Variants in CDH8 observed in about 807,000 individuals in gnomAD.
The protein encoded by CDH8 is cadherin 8.
In CDH8, 17 loss-of-function variants were observed where a neutral mutation model predicts 68.1. The ratio of observed to expected loss-of-function variants is 0.25; its 90% CI spans 0.17 to 0.37. The LOEUF is 0.37. Among genes scored for constraint, CDH8 ranks in the 10% least tolerant of loss-of-function variants. The pLI is 1.00. For synonymous variants in CDH8, 372 were observed against 365.1 expected (o/e 1.02, Z -0.21); for missense variants, 763 against 999.3 (o/e 0.76, Z 3.19).
chr16:61,703,637 G>C (rs566084412), intron 10 of CDH8, among the ~76,000 whole-genome samples: 2 of 152,060 alleles, frequency 1.3e-5, no homozygotes, highest in Admixed American at 1.3e-4. Flanking sequence ...TCAGGAGATC[G>C]AGACCATCCT....
intron 10 of CDH8, among the ~76,000 whole-genome samples, chr16:61,679,169 G>T (rs922177415): frequency 6.6e-5 from 10 of 151,938 alleles, no homozygotes; most frequent in African/African-American, 2.4e-4. Context: ...TTTCTTGCTA[G>T]AGTTATCCTA....
chr16:61,857,957 T>C (rs1237503708), intron 3 of CDH8, among the ~76,000 whole-genome samples: 2 of 151,970 alleles, frequency 1.3e-5, no homozygotes, highest in African/African-American at 4.8e-5. Context: ...AGCAAACCTA[T>C]ACATTTTGGA....
chr16:61,841,856 C>T (rs1285652636), intron 4 of CDH8, among the ~76,000 whole-genome samples: 2 of 151,890 alleles, frequency 1.3e-5, no homozygotes, highest in Admixed American at 6.6e-5. Context: ...AATGAAGTTT[C>T]CCCATCAAAA....
intron 3 of CDH8, among the ~76,000 whole-genome samples, chr16:61,875,226 A>G (rs548803017): frequency 6.6e-6 from 1 of 152,276 alleles, no homozygotes; most frequent in African/African-American, 2.4e-5. Context: ...TGTTCTGGTA[A>G]CACCTCAGAA....
intron 2 of CDH8, among the ~76,000 whole-genome samples, chr16:62,002,926 A>G (rs1965916044): frequency 6.6e-6 from 1 of 152,138 alleles, no homozygotes; most frequent in Non-Finnish European, 1.5e-5. Flanking sequence ...GGCGGCAGGC[A>G]CCTGTAGTCC....
chr16:61,989,827 A>G (rs1204322473), intron 2 of CDH8, among the ~76,000 whole-genome samples: 1 of 92,130 alleles, frequency 1.1e-5, no homozygotes, highest in East Asian at 4.5e-4. Flanking sequence ...TAAGGGTACA[A>G]TTTTATTGTT....
intron 2 of CDH8, among the ~76,000 whole-genome samples, chr16:61,926,742 T>C (rs1249053504): frequency 6.6e-6 from 1 of 152,210 alleles, no homozygotes; most frequent in Non-Finnish European, 1.5e-5. Context: ...ATGAGTCTCT[T>C]TAATAGTAAC....
At chr16:61,807,457 C>T (rs1443124238) in intron 7 of CDH8, among the ~76,000 whole-genome samples, 1 of 151,632 alleles carries the variant, frequency 6.6e-6, no homozygotes, top group Non-Finnish European at 1.5e-5. Flanking sequence ...GCACATGTAC[C>T]CTAAAACTTA....
intron 2 of CDH8, among the ~76,000 whole-genome samples, chr16:62,001,862 G>A (rs986666731): frequency 2.0e-5 from 3 of 152,106 alleles, no homozygotes; most frequent in African/African-American, 7.2e-5. Flanking sequence ...TCTTTTCCAG[G>A]AGTAATGTGA....
At chr16:61,772,094 T>C (rs1197005409) in intron 8 of CDH8, among the ~76,000 whole-genome samples, 1 of 151,808 alleles carries the variant, frequency 6.6e-6, no homozygotes, top group Admixed American at 6.6e-5. Context: ...AACCCAGAGG[T>C]TTCTAAATAT....
intron 10 of CDH8, among the ~76,000 whole-genome samples, chr16:61,660,746 A>T (rs771684253): frequency 2.0e-5 from 3 of 152,062 alleles, no homozygotes; most frequent in Non-Finnish European, 4.4e-5. Context: ...AATGAAGGCC[A>T]GACGGACGTG....
chr16:61,797,783 G>A (rs1961532459), intron 7 of CDH8, among the ~76,000 whole-genome samples: 1 of 152,020 alleles, frequency 6.6e-6, no homozygotes, highest in African/African-American at 2.4e-5. Flanking sequence ...CCATAATTTT[G>A]TGATATTTCT....
rs1347504690 is a variant in CDH8 at position 61,917,987 on chromosome 16, T to TA, written c.253-16515dup. Among the ~76,000 whole-genome samples, 11 of 128,786 alleles carry TA rather than the reference T, an allele frequency of 8.5e-5. No individual in the cohort carries two copies. In the Middle Eastern group the frequency reaches 0.012, roughly 142 times the overall value. The allele number at this position is 128,786 out of a possible 152,430, so 84.5% of individuals were successfully genotyped here. A position where few individuals can be genotyped will look rare whatever the true frequency, so the allele number is the denominator to read the frequency against. On this transcript the variant is annotated intron_variant, in intron 2 of 11. Coordinates refer to ENST00000577390, the MANE Select transcript of CDH8 (RefSeq NM_001796.5). ...TATTTGCTTTTTTTTTTTTTTTTTT[T>TA]ACCGTACTGACATTTGTACTGATGT...
intron 1 of CDH8, among the ~76,000 whole-genome samples, chr16:62,027,239 T>C (rs933317618): frequency 6.6e-6 from 1 of 152,218 alleles, no homozygotes; most frequent in Non-Finnish European, 1.5e-5. Context: ...TCATTCATAC[T>C]TACATTTCAG....
At chr16:61,654,904 C>T (rs556809377) in intron 11 of CDH8, among the ~76,000 whole-genome samples, 14 of 152,102 alleles carry the variant, frequency 9.2e-5, no homozygotes, top group Non-Finnish European at 1.9e-4. Flanking sequence ...TATAATTGGA[C>T]TTTTTTAATT....
intron 10 of CDH8, among the ~76,000 whole-genome samples, chr16:61,662,686 C>A (rs559588447): frequency 6.6e-6 from 1 of 151,802 alleles, no homozygotes; most frequent in South Asian, 2.1e-4. Flanking sequence ...TCAACTATAT[C>A]TATATATAGT....
intron 2 of CDH8, chr16:61,918,640 T>G (rs980028217): frequency 6.5e-6 from 1 of 153,930 alleles, no homozygotes; most frequent in Non-Finnish European, 1.4e-5. Context: ...CGAGATTATA[T>G]CTGGCACCTG....
At chr16:61,880,515 G>A (rs1168167941) in intron 3 of CDH8, among the ~76,000 whole-genome samples, 2 of 152,184 alleles carry the variant, frequency 1.3e-5, no homozygotes, top group Non-Finnish European at 2.9e-5. Context: ...TGATCAAAAA[G>A]ACCAGTATGG....
intron 2 of CDH8, among the ~76,000 whole-genome samples, chr16:61,991,435 G>C (rs946559126): frequency 2.0e-5 from 3 of 152,152 alleles, no homozygotes; most frequent in Non-Finnish European, 4.4e-5. Context: ...AATGCGTAAA[G>C]GACTCAACTT....
Sources: gnomAD v4.1 joint callset for allele counts (sites outside exome capture counted in the v4.1 genomes callset) on GRCh38, gnomAD v4.1.1 for gene constraint, MANE v1.5 for transcripts, NCBI Gene and HGNC (gene_info 2026-07-23, HGNC 2026-07-21) for gene names.